Variants in GRIK2 observed in about 807,000 individuals in gnomAD.
GRIK2 encodes glutamate receptor ionotropic, kainate 2.
A neutral mutation model predicts 100.3 loss-of-function variants in GRIK2; 32 were observed. The ratio of observed to expected loss-of-function variants is 0.32; its 90% CI spans 0.24 to 0.43. The LOEUF (loss-of-function observed/expected upper bound fraction) is 0.43, where lower values mean the gene tolerates loss of function less well. Among genes scored for constraint, GRIK2 ranks in the 20% least tolerant of loss-of-function variants. The probability of loss-of-function intolerance (pLI) is 1.00; values close to 1 mark genes in which losing one functional copy is unlikely to be tolerated. For missense variants in GRIK2, 843 were observed against 1,114.9 expected (o/e 0.76, Z 3.47); for synonymous variants, 417 against 389.4 (o/e 1.07, Z -0.83).
intron 2 of GRIK2, among the ~76,000 whole-genome samples, chr6:101,489,546 T>A (rs1350444628): frequency 6.8e-6 from 1 of 146,644 alleles, no homozygotes; most frequent in Non-Finnish European, 1.5e-5. Context: ...CCAACTATGA[T>A]AACATAGTGT....
chr6:101,934,645 T>C lies in GRIK2; in HGVS notation c.2085+6013T>C, dbSNP rs116645555. 5.3e-3 allele frequency among the ~76,000 whole-genome samples: 799 copies of C among 152,058 alleles called. 6 individuals carry two copies. The highest frequency in any genetic ancestry group is 0.018 in the African/African-American group (758 of 41,546). On this transcript the variant is annotated intron_variant, in intron 14 of 16. Transcript: ENST00000369134. ...CAAGTCCTTATTAGATCTAAAAACA[T>C]ATACTATTCATTAGAGATTGCTCCT... is the stretch of plus-strand genomic sequence containing the variant.
At chr6:101,891,257 G>T (rs945669749) in intron 12 of GRIK2, among the ~76,000 whole-genome samples, 18 of 151,446 alleles carry the variant, frequency 1.2e-4, no homozygotes, top group Non-Finnish European at 1.8e-4. Flanking sequence ...GGTTGCTCAC[G>T]CCTGTAATCC....
chr6:101,971,797 A>G (rs1200630823), intron 14 of GRIK2, among the ~76,000 whole-genome samples: 1 of 151,774 alleles, frequency 6.6e-6, no homozygotes, highest in Non-Finnish European at 1.5e-5. Flanking sequence ...CATCTTTATG[A>G]CCATGTATAC....
At chr6:101,410,110 C>G (rs1775819287) in intron 2 of GRIK2, among the ~76,000 whole-genome samples, 1 of 151,982 alleles carries the variant, frequency 6.6e-6, no homozygotes, top group Non-Finnish European at 1.5e-5. Flanking sequence ...AAGAAACAAA[C>G]CAAAACTGAA....
At chr6:101,401,813 G>T (rs986926964) in intron 2 of GRIK2, among the ~76,000 whole-genome samples, 8 of 152,176 alleles carry the variant, frequency 5.3e-5, no homozygotes, top group African/African-American at 1.9e-4. Context: ...CCCTGGACCC[G>T]TGCCTTGGAA....
At chr6:101,954,771 A>G in intron 14 of GRIK2, among the ~76,000 whole-genome samples, 1 of 152,120 alleles carries the variant, frequency 6.6e-6, no homozygotes, top group East Asian at 1.9e-4. Context: ...AAAGGTGTAC[A>G]CTGTTATCTT....
intron 7 of GRIK2, among the ~76,000 whole-genome samples, chr6:101,746,524 A>C (rs1209592627): frequency 1.3e-5 from 2 of 152,012 alleles, no homozygotes; most frequent in African/African-American, 4.8e-5. Flanking sequence ...GCAGGGTTTC[A>C]CCATGTTGGC....
chr6:101,394,917 C>T (rs1774946772), intron 1 of GRIK2, among the ~76,000 whole-genome samples: 1 of 152,062 alleles, frequency 6.6e-6, no homozygotes, highest in Non-Finnish European at 1.5e-5. Flanking sequence ...CCTATTTAAA[C>T]CCATTGAAAA....
chr6:101,923,947 A>AC lies in GRIK2; in HGVS notation c.1749-652dup, dbSNP rs71547438. Among the ~76,000 whole-genome samples the AC allele has an allele frequency of 2.2e-3, 320 of 145,602 alleles. 2 individuals carry two copies. The highest frequency in any genetic ancestry group is 7.5e-3 in the Admixed American group (103 of 13,756). ...CTCCAAAAAAAAAAAAAAAAAAAAA[A>AC]CCACAACGCTTTGATACTTTGATAT... is the stretch of plus-strand genomic sequence containing the variant. On this transcript the variant is annotated intron_variant, in intron 12 of 16. Coordinates refer to ENST00000369134, the MANE Select transcript of GRIK2 (RefSeq NM_021956.5).
chr6:101,585,274 T>C (rs1385151818), intron 2 of GRIK2, among the ~76,000 whole-genome samples: 1 of 152,084 alleles, frequency 6.6e-6, no homozygotes, highest in Non-Finnish European at 1.5e-5. Context: ...TTAAAATAGA[T>C]ATTAAAATGT....
intron 2 of GRIK2, among the ~76,000 whole-genome samples, chr6:101,494,786 A>T (rs1042040966): frequency 6.6e-6 from 1 of 151,196 alleles, no homozygotes; most frequent in African/African-American, 2.4e-5. Context: ...CAAAAAAATT[A>T]GCTAGGTATG....
chr6:101,429,231 A>G (rs553461672), intron 2 of GRIK2, among the ~76,000 whole-genome samples: 1 of 152,298 alleles, frequency 6.6e-6, no homozygotes, highest in East Asian at 1.9e-4. Context: ...CAGGAACCAC[A>G]AGGTCCTCAA....
At chr6:101,976,426 G>T (rs1045313851) in intron 14 of GRIK2, among the ~76,000 whole-genome samples, 5 of 151,958 alleles carry the variant, frequency 3.3e-5, no homozygotes, top group African/African-American at 1.2e-4. Flanking sequence ...TCTGGGTGTG[G>T]TGGCTCATGC....
intron 2 of GRIK2, among the ~76,000 whole-genome samples, chr6:101,551,987 A>G (rs905130785): frequency 6.6e-6 from 1 of 152,190 alleles, no homozygotes; most frequent in East Asian, 1.9e-4. Flanking sequence ...GTAAGTTAAT[A>G]AATGAAAAAT....
At chr6:101,439,612 A>G (rs1000400329) in intron 2 of GRIK2, among the ~76,000 whole-genome samples, 13 of 152,150 alleles carry the variant, frequency 8.5e-5, no homozygotes, top group Non-Finnish European at 1.5e-4. Context: ...TTCAATAAAT[A>G]TCCCTCTCCT....
chr6:102,020,993 T>C (rs1769392365), intron 14 of GRIK2, among the ~76,000 whole-genome samples: 1 of 151,834 alleles, frequency 6.6e-6, no homozygotes, highest in Admixed American at 6.6e-5. Flanking sequence ...GAAGTTGTTT[T>C]AAATTTTCAT....
chr6:101,751,796 A>G (rs1209860800), intron 7 of GRIK2, among the ~76,000 whole-genome samples: 3 of 152,120 alleles, frequency 2.0e-5, no homozygotes, highest in Non-Finnish European at 4.4e-5. Flanking sequence ...TTAACGTTGG[A>G]TATGTTTGTT....
At chr6:101,676,229 G>GGTATAAA (rs1485923058) in intron 4 of GRIK2, among the ~76,000 whole-genome samples, 1 of 151,828 alleles carries the variant, frequency 6.6e-6, no homozygotes, top group African/African-American at 2.4e-5. Context: ...GTAGAACTGG[G>GGTATAAA]GTATAAAGGG....
intron 2 of GRIK2, among the ~76,000 whole-genome samples, chr6:101,433,594 TA>T (rs1266835216): frequency 6.6e-6 from 1 of 151,920 alleles, no homozygotes; most frequent in Non-Finnish European, 1.5e-5. Flanking sequence ...AAATTATCTT[TA>T]TTTTTTTTCT....
Sources: gnomAD v4.1 joint callset for allele counts (sites outside exome capture counted in the v4.1 genomes callset) on GRCh38, gnomAD v4.1.1 for gene constraint, MANE v1.5 for transcripts, NCBI Gene and HGNC (gene_info 2026-07-23, HGNC 2026-07-21) for gene names.